Variants in CDH13 observed in about 807,000 individuals in gnomAD.
CDH13 encodes cadherin-13.
A neutral mutation model predicts 63.8 loss-of-function variants in CDH13; 24 were observed. The observed-to-expected ratio is 0.38, with a 90% CI of 0.27 to 0.53. The LOEUF is 0.53. Ranked by LOEUF, CDH13 falls within the 20% of genes least tolerant of loss-of-function variation. The pLI, the probability that CDH13 is intolerant of heterozygous loss-of-function variation, is 0.85. For synonymous variants in CDH13, 503 were observed against 355.3 expected, an observed-to-expected ratio of 1.42 and a Z score of -4.67; for missense variants, 1,049 against 903.1, an observed-to-expected ratio of 1.16 and a Z score of -2.07.
chr16:83,282,279 A>T (rs1724322703), intron 5 of CDH13, among the ~76,000 whole-genome samples: 1 of 152,236 alleles, frequency 6.6e-6, no homozygotes, highest in South Asian at 2.1e-4. Context: ...ATGTTAAAAT[A>T]TTGCCAGAAT....
intron 7 of CDH13, among the ~76,000 whole-genome samples, chr16:83,497,044 C>A (rs549535636): frequency 3.3e-5 from 5 of 152,162 alleles, no homozygotes; most frequent in African/African-American, 1.2e-4. Flanking sequence ...GAAATAGGAA[C>A]GCTTTTACAC....
chr16:83,748,425 C>G (rs1457597801), intron 11 of CDH13, among the ~76,000 whole-genome samples, 175 bp downstream of exon 11: 1 of 152,162 alleles, frequency 6.6e-6, no homozygotes, highest in Non-Finnish European at 1.5e-5. Flanking sequence ...ATCTCCAAGT[C>G]CCAGAATCCT....
chr16:83,000,706 G>A (rs1912828349), intron 2 of CDH13, among the ~76,000 whole-genome samples: 1 of 148,588 alleles, frequency 6.7e-6, no homozygotes, highest in Non-Finnish European at 1.5e-5. Context: ...CAGCTTCCCA[G>A]GTAGCTGGGA....
chr16:83,645,702 C>T (rs1911727829), intron 8 of CDH13, among the ~76,000 whole-genome samples: 1 of 151,904 alleles, frequency 6.6e-6, no homozygotes, highest in African/African-American at 2.4e-5. Flanking sequence ...AGAAAGGCCA[C>T]ATGAGAAGAA....
chr16:83,126,289 G>A (rs72798392), intron 4 of CDH13, among the ~76,000 whole-genome samples: 12,124 of 152,250 alleles, frequency 0.08, 555 homozygotes, highest in Non-Finnish European at 0.095. Context: ...TATCCCTCAC[G>A]TGGTTAGTCC....
At chr16:83,631,383 T>C (rs1910767743) in intron 8 of CDH13, among the ~76,000 whole-genome samples, 1 of 152,202 alleles carries the variant, frequency 6.6e-6, no homozygotes, top group African/African-American at 2.4e-5. Flanking sequence ...TCGGTGGCCC[T>C]GTTGCTTGGA....
At chr16:82,992,667 T>C (rs1411254854) in intron 2 of CDH13, among the ~76,000 whole-genome samples, 1 of 152,212 alleles carries the variant, frequency 6.6e-6, no homozygotes, top group Non-Finnish European at 1.5e-5. Flanking sequence ...AAGCAAATGC[T>C]TAACTTCAAT....
chr16:82,947,831 G>C (rs1408885174), intron 2 of CDH13, among the ~76,000 whole-genome samples: 1 of 152,024 alleles, frequency 6.6e-6, no homozygotes, highest in Non-Finnish European at 1.5e-5. Flanking sequence ...ACTGCTGAAA[G>C]TAGTATTTAA....
intron 1 of CDH13, chr16:82,844,639 ATTTTT>A (rs374547544): frequency 0.27 from 30,057 of 109,946 alleles, 4,279 homozygotes; most frequent in Non-Finnish European, 0.35. Context: ...GTAATAAAGT[ATTTTT>A]TTTTTTTTTT....
chr16:83,584,944 G>T lies in CDH13; in HGVS notation c.961-17510G>T, dbSNP rs80029279. 2.4e-3 allele frequency among the ~76,000 whole-genome samples: 360 copies of T among 152,232 alleles called. 2 individuals carry two copies. The highest frequency in any genetic ancestry group is 8.0e-3 in the African/African-American group (331 of 41,534). ...AAATTTAAACAACCAGGTCTTAGGA[G>T]AACTCACTCACTACTGTGGGGGTGG... is the stretch of plus-strand genomic sequence containing the variant. On this transcript the variant is annotated intron_variant, in intron 7 of 13. Coordinates refer to ENST00000567109, the MANE Select transcript of CDH13 (RefSeq NM_001257.5).
intron 2 of CDH13, among the ~76,000 whole-genome samples, chr16:82,871,754 A>G (rs1243110750): frequency 1.3e-5 from 2 of 152,158 alleles, no homozygotes; most frequent in Non-Finnish European, 2.9e-5. Context: ...TTGGATCTAG[A>G]TGCATTAATG....
intron 1 of CDH13, among the ~76,000 whole-genome samples, chr16:82,722,803 A>G (rs1166585760): frequency 1.3e-5 from 2 of 152,186 alleles, no homozygotes; most frequent in East Asian, 3.9e-4. Flanking sequence ...AGGGATGCAG[A>G]TACATACATA....
chr16:82,643,986 G>C (rs1253026193), intron 1 of CDH13, among the ~76,000 whole-genome samples: 1 of 152,094 alleles, frequency 6.6e-6, no homozygotes, highest in South Asian at 2.1e-4. Context: ...CTGGCTTCAA[G>C]TGATCCTCCA....
Position 83,338,344 on chromosome 16 carries a change from G to A in CDH13, c.637-6518G>A, listed in dbSNP as rs149509172. Among the ~76,000 whole-genome samples, 70 of 152,302 alleles carry A rather than the reference G, an allele frequency of 4.6e-4. No individual in the cohort carries two copies. The East Asian group carries it at 0.014, about 29-fold the overall frequency. Reference sequence around the variant, plus strand: ...TAATATGCCGGAGATGGAGAGAAAGGACAGATGGCCAGAGCTCAGGCCAAA... The same window carrying A: ...TAATATGCCGGAGATGGAGAGAAAGAACAGATGGCCAGAGCTCAGGCCAAA... On this transcript the variant is annotated intron_variant, in intron 5 of 13. Coordinates refer to ENST00000567109, the MANE Select transcript of CDH13 (RefSeq NM_001257.5).
chr16:83,645,936 A>G (rs114743384), intron 8 of CDH13, among the ~76,000 whole-genome samples: 63 of 152,318 alleles, frequency 4.1e-4, no homozygotes, highest in African/African-American at 1.4e-3. Flanking sequence ...TAGAAAACCA[A>G]TTGTGAATCC....
At chr16:83,448,437 G>C (rs2072776788) in intron 6 of CDH13, among the ~76,000 whole-genome samples, 1 of 152,150 alleles carries the variant, frequency 6.6e-6, no homozygotes, top group Non-Finnish European at 1.5e-5. Flanking sequence ...CTCTTCCCTA[G>C]AACAAGATGC....
chr16:82,796,854 A>T (rs1292590840), intron 1 of CDH13, among the ~76,000 whole-genome samples: 2 of 152,198 alleles, frequency 1.3e-5, no homozygotes, highest in Non-Finnish European at 2.9e-5. Context: ...GCCACAGTGT[A>T]TTTCAGTGTT....
At chr16:82,793,804 A>G (rs1431542721) in intron 1 of CDH13, among the ~76,000 whole-genome samples, 1 of 152,172 alleles carries the variant, frequency 6.6e-6, no homozygotes, top group East Asian at 1.9e-4. Context: ...GAAGGCTTAG[A>G]GATGACTGCA....
chr16:83,371,015 A>G lies in CDH13; in HGVS notation c.781+26009A>G, dbSNP rs34649740. Among the ~76,000 whole-genome samples, 1,262 of 152,350 alleles carry G rather than the reference A, an allele frequency of 8.3e-3. 8 individuals carry two copies. The highest frequency in any genetic ancestry group is 0.012 in the Non-Finnish European group (841 of 68,032). ...TCTCACACCAGTCAGAATGGCTATT[A>G]CTAAAAAGTCAAAACGAAACAGGTG... On this transcript the variant is annotated intron_variant, in intron 6 of 13. Coordinates refer to ENST00000567109, the MANE Select transcript of CDH13 (RefSeq NM_001257.5).
Sources: allele counts gnomAD v4.1 joint callset (sites outside exome capture counted in the v4.1 genomes callset), GRCh38; gene constraint gnomAD v4.1.1; transcripts MANE v1.5; gene names NCBI Gene and HGNC (gene_info 2026-07-23, HGNC 2026-07-21).